Variants in COL9A2 observed in about 807,000 individuals in gnomAD.
The protein encoded by COL9A2 is collagen type IX alpha 2 chain, also known as collagen alpha-2(IX) chain.
COL9A2 carries 66 observed loss-of-function variants against 111.6 expected under a neutral mutation model. The observed-to-expected ratio is 0.59, with a 90% CI of 0.48 to 0.73. The LOEUF (loss-of-function observed/expected upper bound fraction) is 0.73, where lower values mean the gene tolerates loss of function less well. Among genes scored for constraint, COL9A2 ranks in the 30% least tolerant of loss-of-function variants. The probability of loss-of-function intolerance (pLI) is 0.00; values close to 1 mark genes in which losing one functional copy is unlikely to be tolerated. For synonymous variants in COL9A2, 353 were observed against 364.1 expected (o/e 0.97, Z 0.35); for missense variants, 881 against 954.1 (o/e 0.92, Z 1.01).
Position 40,311,394 on chromosome 1 carries a change from C to T in COL9A2, c.519+106G>A. The T allele has an allele frequency of 6.4e-7, 1 of 1,573,574 alleles. No homozygotes were observed. The highest frequency in any genetic ancestry group is 8.7e-7 in the Non-Finnish European group (1 of 1,153,428). ...CTCACCTGGTGGAACCCCTGCACTG[C>T]AGCCCCTCCCCATCTCTCCAGACAC... On this transcript the variant is annotated intron_variant, in intron 10 of 31. Transcript: ENST00000372748. This position sits in a 1 kb window ranked among gnomAD's most constrained non-coding sequence, Gnocchi z 5.1.
Position 40,301,119 on chromosome 1 carries a change from C to T in COL9A2, c.*63G>A. The stretch of plus-strand genomic sequence containing the variant: ...CCTGGACTGGGGATGGGTGCATGTC[C>T]ACCCAGAGGGGACCTGGTCCTTCCC... On this transcript the variant is annotated 3_prime_UTR_variant, in exon 32 of 32. Transcript: ENST00000372748. The T allele has an allele frequency of 6.4e-7, 1 of 1,570,560 alleles. No homozygotes were observed. Among genetic ancestry groups the T allele is most frequent in the Non-Finnish European group, 8.7e-7 (1 of 1,144,290 alleles).
rs1569689756 is a variant in COL9A2, at chr1:40,301,056, C to T, written c.*126G>A. 1 of 993,710 alleles carries T rather than the reference C, an allele frequency of 1.0e-6. No individual in the cohort carries two copies. The allele number at this position is 993,710 out of a possible 1,614,324, so 61.6% of individuals were successfully genotyped here. On this transcript the variant is annotated 3_prime_UTR_variant, in exon 32 of 32. Transcript: ENST00000372748. Reference sequence around the variant, plus strand: ...TTTAGAATTCCTTTTCCTTAGGACTCCTGAGTCCCAGACAGAAGGTCCTGG... The same window carrying T: ...TTTAGAATTCCTTTTCCTTAGGACTTCTGAGTCCCAGACAGAAGGTCCTGG...
In COL9A2 at chr1:40,301,048, T is replaced by C; in HGVS notation, c.*134A>G. ...CCCCATGTTTTAGAATTCCTTTTCC[T>C]TAGGACTCCTGAGTCCCAGACAGAA... On this transcript the variant is annotated 3_prime_UTR_variant, in exon 32 of 32. Transcript: ENST00000372748. The C allele has an allele frequency of 2.2e-6, 2 of 914,490 alleles. No individual in the cohort carries two copies. The allele number at this position is 914,490 out of a possible 1,614,324, so 56.6% of individuals were successfully genotyped here.
Position 40,302,759 on chromosome 1 carries a change from C to T in COL9A2, c.1654G>A (p.Val552Met). 2 of 1,565,994 alleles carry T rather than the reference C, an allele frequency of 1.3e-6. No homozygotes were observed. The highest frequency in any genetic ancestry group is 1.7e-6 in the Non-Finnish European group (2 of 1,156,088). The change falls in exon 30 of 32, where the codon GTG becomes ATG. Residue 552 changes from valine (V) to methionine (M), a missense_variant. Transcript: ENST00000372748. This position sits in a 1 kb window ranked among gnomAD's most constrained non-coding sequence, Gnocchi z 4.5. ...VSAKREALGA[V>M]GMMGPPGPPG... ...GGTCCTGGAGGACCCATCATGCCCACCGCACCCAGGGCTTCCCGCTTGGCA... is the reference window on the plus strand; with the variant it reads ...GGTCCTGGAGGACCCATCATGCCCATCGCACCCAGGGCTTCCCGCTTGGCA...
chr1:40,311,560 A>T lies in COL9A2; in HGVS notation c.472-13T>A. ...TTCCCGGGCGACCCTGAGAGGAGAC[A>T]TGAAGATGGAGCTTGGCCTGACCCT... is the stretch of plus-strand genomic sequence containing the variant. On this transcript the variant is annotated splice_polypyrimidine_tract_variant and intron_variant, in intron 9 of 31. Transcript: ENST00000372748. This position sits in a 1 kb window ranked among gnomAD's most constrained non-coding sequence, Gnocchi z 5.1. 6.2e-7 allele frequency: 1 copy of T among 1,613,614 alleles called. No individual in the cohort carries two copies. The highest frequency in any genetic ancestry group is 1.1e-5 in the South Asian group (1 of 91,044).
rs868338361 is a variant in COL9A2, at chr1:40,311,694, G to A, written c.439C>T (p.Pro147Ser). ...CCAGGGGGTCCTGGGGGCCCCGATG[G>A]TCCATCTGGTCCAGGGTCCCCCTGG... ...GPKGDPGPDGPSGPPGPPGKP... is the reference protein window; with the variant it reads ...GPKGDPGPDGSSGPPGPPGKP... The change falls in exon 9 of 32, where the codon CCA becomes TCA. Residue 147 changes from proline to serine, a missense_variant. Physicochemically the swap from Pro to Ser is moderately conservative, Grantham distance 74. Coordinates refer to ENST00000372748, the MANE Select transcript of COL9A2 (RefSeq NM_001852.4). The surrounding 1 kb of genome is among the most constrained non-coding windows in gnomAD (Gnocchi z 5.1). 5.0e-6 allele frequency: 8 copies of A among 1,613,990 alleles called. No individual in the cohort carries two copies. Among genetic ancestry groups the A allele is most frequent in the Non-Finnish European group, 5.9e-6 (7 of 1,179,970 alleles).
At position 40,314,492 on chromosome 1, in the gene COL9A2, T is replaced by C; in HGVS notation, c.151-105A>G. ...CTCCCAAAGGCTCTCCTCACTCTCC[T>C]CTCTTCTGTCCAGGTCCCCTAAGCC... On this transcript the variant is annotated intron_variant, in intron 2 of 31. Transcript: ENST00000372748. This position sits in a 1 kb window ranked among gnomAD's most constrained non-coding sequence, Gnocchi z 4.1. 1.5e-6 allele frequency: 2 copies of C among 1,349,506 alleles called. No homozygotes were observed. Among genetic ancestry groups the C allele is most frequent in the Non-Finnish European group, 2.1e-6 (2 of 941,308 alleles). 83.6% of individuals were successfully genotyped at this position (1,349,506 alleles called of 1,614,324 possible). A position where few individuals can be genotyped will look rare whatever the true frequency, so the allele number is the denominator to read the frequency against.
rs1017030218 is a variant in COL9A2, at chr1:40,303,432, C to T, written c.1548+98G>A. ...GGCTTGGAACCAGTCTCGGGGAAGTCGGTGAGTCTCTGGGAATCCCTAGCC... is the reference window on the plus strand; with the variant it reads ...GGCTTGGAACCAGTCTCGGGGAAGTTGGTGAGTCTCTGGGAATCCCTAGCC... On this transcript the variant is annotated intron_variant, in intron 28 of 31. Transcript: ENST00000372748. The surrounding 1 kb of genome is among the most constrained non-coding windows in gnomAD (Gnocchi z 4.6). 5.3e-6 allele frequency: 8 copies of T among 1,519,440 alleles called. No homozygotes were observed. The African/African-American group carries it at 9.7e-5, about 18-fold the overall frequency. The allele number at this position is 1,519,440 out of a possible 1,614,324, so 94.1% of individuals were successfully genotyped here.
intron 16 of COL9A2, 80 bp downstream of exon 16, chr1:40,309,858 C>G: frequency 7.0e-7 from 1 of 1,420,116 alleles, no homozygotes; most frequent in East Asian, 2.3e-5. Context: ...CACTCTCACA[C>G]ACACAGCCTT....
rs1643929652 is a variant in COL9A2 at position 40,302,547 on chromosome 1, G to C, written c.1792+74C>G. 6.7e-7 allele frequency: 1 copy of C among 1,492,012 alleles called. No homozygotes were observed. Among genetic ancestry groups the C allele is most frequent in the Non-Finnish European group, 9.1e-7 (1 of 1,102,792 alleles). 92.4% of individuals were successfully genotyped at this position (1,492,012 alleles called of 1,614,324 possible). A position where few individuals can be genotyped will look rare whatever the true frequency, so the allele number is the denominator to read the frequency against. ...AAGGGTCTGTATGTCATCCTGAGAA[G>C]GGAATGGGGAAAGGGCCGGCCTGGA... On this transcript the variant is annotated intron_variant, in intron 30 of 31. Transcript: ENST00000372748. This position sits in a 1 kb window ranked among gnomAD's most constrained non-coding sequence, Gnocchi z 4.5.
In COL9A2 at chr1:40,301,371, G is replaced by T. The variant is rs372363712; in HGVS notation, c.1881C>A (p.Gly627=). The T allele has an allele frequency of 8.1e-6, 13 of 1,608,334 alleles. No individual in the cohort carries two copies. Among genetic ancestry groups the T allele is most frequent in the Non-Finnish European group, 1.1e-5 (13 of 1,176,452 alleles). Residue 627 remains glycine, a synonymous_variant, in exon 32 of 32, where the codon GGC becomes GGA. Coordinates refer to ENST00000372748, the MANE Select transcript of COL9A2 (RefSeq NM_001852.4). The part of the protein sequence containing the change: ...PGPPGIPGLP[G]RPGQAINGKD... ...TGCCGTTGATTGCCTGGCCAGGCCG[G>T]CCAGGGAGTCCTGTGAACAGGAGAA...
chr1:40,311,986 A>G lies in COL9A2; in HGVS notation c.417+73T>C. The G allele has an allele frequency of 1.3e-6, 2 of 1,503,444 alleles. No individual in the cohort carries two copies. The highest frequency in any genetic ancestry group is 1.4e-5 in the African/African-American group (1 of 73,140). 93.1% of individuals were successfully genotyped at this position (1,503,444 alleles called of 1,614,324 possible). ...GCCAGGAGCAGGCCCAGGAACTTCC[A>G]GAAAGACCACCCAGCTTGCCAGCTT... is the stretch of plus-strand genomic sequence containing the variant. On this transcript the variant is annotated intron_variant, in intron 8 of 31. Coordinates refer to ENST00000372748, the MANE Select transcript of COL9A2 (RefSeq NM_001852.4). The surrounding 1 kb of genome is among the most constrained non-coding windows in gnomAD (Gnocchi z 5.1).
rs1443296127 is a variant in COL9A2, at chr1:40,312,046, G to A, written c.417+13C>T. 8.8e-6 allele frequency: 14 copies of A among 1,596,904 alleles called. No individual in the cohort carries two copies. Among genetic ancestry groups the A allele is most frequent in the Admixed American group, 1.8e-5 (1 of 55,816 alleles). On this transcript the variant is annotated intron_variant, in intron 8 of 31. Transcript: ENST00000372748. The surrounding 1 kb of genome is among the most constrained non-coding windows in gnomAD (Gnocchi z 6.0). Reference sequence around the variant, plus strand: ...AGGCAGGAGGCAGTGAACAGAGGGTGGCTGAGGCTCACCTTGGGGCCTCGG... The same window carrying A: ...AGGCAGGAGGCAGTGAACAGAGGGTAGCTGAGGCTCACCTTGGGGCCTCGG...
chr1:40,300,972 C>T lies in COL9A2; in HGVS notation c.*210G>A. On this transcript the variant is annotated 3_prime_UTR_variant, in exon 32 of 32. Transcript: ENST00000372748. The surrounding 1 kb of genome is among the most constrained non-coding windows in gnomAD (Gnocchi z 4.4). ...GCTTCGACTCCATCGACACCACTTG[C>T]CCTGTGTGTTGGCCTCACTTTTTCA... is the stretch of plus-strand genomic sequence containing the variant. The T allele has an allele frequency of 3.4e-6, 2 of 587,806 alleles. No homozygotes were observed. Among genetic ancestry groups the T allele is most frequent in the Non-Finnish European group, 6.1e-6 (2 of 329,374 alleles). 36.4% of individuals were successfully genotyped at this position (587,806 alleles called of 1,614,324 possible).
chr1:40,307,882 G>T lies in COL9A2; in HGVS notation c.901-126C>A. On this transcript the variant is annotated intron_variant, in intron 17 of 31. Coordinates refer to ENST00000372748, the MANE Select transcript of COL9A2 (RefSeq NM_001852.4). This position sits in a 1 kb window ranked among gnomAD's most constrained non-coding sequence, Gnocchi z 4.8. ...GGAGTGGCTCTGGTCATCCCAGGAA[G>T]CCCCACTGGCCAACTGGGGGAGGGG... 2 of 993,838 alleles carry T rather than the reference G, an allele frequency of 2.0e-6. No homozygotes were observed. Among genetic ancestry groups the T allele is most frequent in the Non-Finnish European group, 3.1e-6 (2 of 641,420 alleles). The allele number at this position is 993,838 out of a possible 1,614,324, so 61.6% of individuals were successfully genotyped here.
intron 19 of COL9A2, 57 bp from the exon 20 acceptor site, chr1:40,306,244 T>A: frequency 2.5e-6 from 4 of 1,580,988 alleles, no homozygotes; most frequent in Non-Finnish European, 3.5e-6. Flanking sequence ...CCCATGCACC[T>A]GCTGCTTTGC....
rs369411930 is a variant in COL9A2, at chr1:40,308,253, G to A, written c.847-8C>T. On this transcript the variant is annotated splice_region_variant and splice_polypyrimidine_tract_variant and intron_variant, in intron 16 of 31. Transcript: ENST00000372748. ...ACGAATACCTGGGCTGCCCTGCAAA[G>A]CGGAGAGAGATCAGGTCACCCTCAG... The A allele has an allele frequency of 3.1e-5, 50 of 1,613,752 alleles. No individual in the cohort carries two copies. In the East Asian group the frequency reaches 1.0e-3, roughly 34 times the overall value.
At chr1:40,315,269 G>T in intron 2 of COL9A2, 1 of 1,173,646 alleles carries the variant, frequency 8.5e-7, no homozygotes, top group Non-Finnish European at 1.1e-6. Context: ...CCAGAGGCAG[G>T]GTGAGGGGTT....
chr1:40,315,653 C>G lies in COL9A2; in HGVS notation c.87G>C (p.Pro29=). Residue 29 remains proline (P), a synonymous_variant, in exon 2 of 32, where the codon CCG becomes CCC. Coordinates refer to ENST00000372748, the MANE Select transcript of COL9A2 (RefSeq NM_001852.4). ...GGGGACCCGGGGGGCCCCGCTCTCCCGGTGGACCTCTCTGAAAAACACACA... is the reference window on the plus strand; with the variant it reads ...GGGGACCCGGGGGGCCCCGCTCTCCGGGTGGACCTCTCTGAAAAACACACA... The part of the protein sequence containing the change: ...VLALAQIRGP[P]GERGPPGPPG... 6.4e-7 allele frequency: 1 copy of G among 1,553,448 alleles called. No homozygotes were observed. Among genetic ancestry groups the G allele is most frequent in the Non-Finnish European group, 8.7e-7 (1 of 1,147,714 alleles).
Sources: gnomAD v4.1 joint callset for allele counts on GRCh38, gnomAD v4.1.1 for gene constraint, Gnocchi (gnomAD v3.1) non-coding constraint, MANE v1.5 for transcripts, NCBI Gene and HGNC (gene_info 2026-07-23, HGNC 2026-07-21) for gene names.